SLC26A3: variants seen among roughly 807,000 people sequenced by gnomAD.
The protein encoded by SLC26A3 is solute carrier family 26 member 3, also known as chloride anion exchanger.
Under a neutral mutation model 85.6 loss-of-function variants are expected in SLC26A3, and 64 were observed. That is an observed-to-expected ratio of 0.75 (90% CI 0.61 to 0.92). The LOEUF (loss-of-function observed/expected upper bound fraction) is 0.92. SLC26A3 is among the 40% of genes least tolerant of loss of function. The probability of loss-of-function intolerance (pLI) is 0.00; values close to 1 mark genes in which losing one functional copy is unlikely to be tolerated. For synonymous variants in SLC26A3, 349 were observed against 336.0 expected, an observed-to-expected ratio of 1.04 and a Z score of -0.42; for missense variants, 922 against 927.3, an observed-to-expected ratio of 0.99 and a Z score of 0.07.
chr7:107,770,238 T>C, intron 18 of SLC26A3, among the ~76,000 whole-genome samples: 24 of 30,544 alleles, frequency 7.9e-4, no homozygotes, highest in East Asian at 2.0e-3. Flanking sequence ...TTTTTTTTTT[T>C]TTTTTTTTTT....
intron 5 of SLC26A3, 99 bp from the exon 6 acceptor site, chr7:107,789,787 G>C: frequency 1.5e-6 from 2 of 1,291,658 alleles, no homozygotes; most frequent in South Asian, 2.6e-5. Context: ...AAACGTAAAG[G>C]CTCAACCTGT....
chr7:107,779,595 A>C lies in SLC26A3; in HGVS notation c.1407+73T>G, dbSNP rs1794182842. 5 of 1,174,382 alleles carry C rather than the reference A, an allele frequency of 4.3e-6. No homozygotes were observed. The South Asian group carries it at 6.3e-5, about 15-fold the overall frequency. 72.7% of individuals were successfully genotyped at this position (1,174,382 alleles called of 1,614,324 possible). The stretch of plus-strand genomic sequence containing the variant: ...AAATTTCACTTAGTTTACAATATAA[A>C]CATGCATTTCACATTAGCATTAAAA... On this transcript the variant is annotated intron_variant, in intron 12 of 20. Coordinates refer to ENST00000340010, the MANE Select transcript of SLC26A3 (RefSeq NM_000111.3).
rs1315692849 is a variant in SLC26A3 at position 107,767,718 on chromosome 7, T to G, written c.2205+48A>C. On this transcript the variant is annotated intron_variant, in intron 19 of 20. Transcript: ENST00000340010. ...TGTTGAAAAAGAGAAATTTAAGGAG[T>G]GCAGATGGCTGCTTATGCAATTGTG... 6 of 1,611,444 alleles carry G rather than the reference T, an allele frequency of 3.7e-6. No individual in the cohort carries two copies. The East Asian group carries it at 1.1e-4, about 30-fold the overall frequency.
intron 2 of SLC26A3, 138 bp from the exon 3 acceptor site, chr7:107,794,019 A>G (rs1048762584): frequency 7.8e-6 from 9 of 1,160,956 alleles, no homozygotes; most frequent in Non-Finnish European, 1.1e-5. Flanking sequence ...TTCTTTACCC[A>G]TAATCAGCTG....
chr7:107,782,807 G>A lies in SLC26A3; in HGVS notation c.1301C>T (p.Pro434Leu). 1 of 1,613,984 alleles carries A rather than the reference G, an allele frequency of 6.2e-7. No individual in the cohort carries two copies. Among genetic ancestry groups the A allele is most frequent in the African/African-American group, 1.3e-5 (1 of 75,030 alleles). Residue 434 changes from proline to leucine, a missense_variant, in exon 11 of 21, where the codon CCT (proline) becomes CTT (leucine). Coordinates refer to ENST00000340010, the MANE Select transcript of SLC26A3 (RefSeq NM_000111.3). ...VVLAIGFLLA[P>L]LQKSVLAALA... The stretch of plus-strand genomic sequence containing the variant: ...CAAAGACAGTGTTACCTTTTGTAGA[G>A]GCGCCAGGAGAAATCCAATGGCTAG...
chr7:107,794,666 G>T, intron 1 of SLC26A3, 69 bp from the exon 2 acceptor site: 3 of 761,448 alleles, frequency 3.9e-6, no homozygotes, highest in Non-Finnish European at 6.8e-6. Flanking sequence ...AGATGAGTGA[G>T]CTCCGAACTG....
rs553004044 is a variant in SLC26A3 at position 107,798,625 on chromosome 7, G to T, written c.-88-4028C>A. 2.6e-5 allele frequency among the ~76,000 whole-genome samples: 4 copies of T among 152,248 alleles called. No homozygotes were observed. The East Asian group carries it at 7.7e-4, about 29-fold the overall frequency. The stretch of plus-strand genomic sequence containing the variant: ...TCATTTGAAACCAGCAGACAAGCAA[G>T]GGTGCAGAACACTTCCCAGCCCCTC... On this transcript the variant is annotated intron_variant, in intron 1 of 20. Transcript: ENST00000340010.
At chr7:107,794,346 T>C (rs762700121) in intron 2 of SLC26A3, 33 bp downstream of exon 2, 24 of 1,612,120 alleles carry the variant, frequency 1.5e-5, no homozygotes, top group Non-Finnish European at 1.9e-5. Context: ...CAAAAATGTA[T>C]TCCTAATGCC....
At position 107,791,222 on chromosome 7, in the gene SLC26A3, A is replaced by G; in HGVS notation, c.396T>C (p.Ile132=). The G allele has an allele frequency of 6.2e-7, 1 of 1,614,232 alleles. No individual in the cohort carries two copies. Among genetic ancestry groups the G allele is most frequent in the Non-Finnish European group, 8.5e-7 (1 of 1,180,038 alleles). ...SRHISVGPFP[I]LSMMVGLAVS... ...CTGCTAGTCCCACCATCATACTCAG[A>G]ATCGGAAACGGACCTAATTAACAGT... The change falls in exon 5 of 21, where the codon ATT becomes ATC. Residue 132 remains isoleucine, a synonymous_variant. Transcript: ENST00000340010.
intron 1 of SLC26A3, among the ~76,000 whole-genome samples, chr7:107,797,213 G>A (rs1387129395): frequency 6.6e-6 from 1 of 152,194 alleles, no homozygotes; most frequent in East Asian, 1.9e-4. Context: ...AATCTTTCCG[G>A]CCAGGCGCGG....
intron 11 of SLC26A3, among the ~76,000 whole-genome samples, 192 bp from the exon 12 acceptor site, chr7:107,779,955 C>T (rs1039022030): frequency 2.6e-5 from 4 of 152,074 alleles, no homozygotes; most frequent in Non-Finnish European, 5.9e-5. Context: ...CTATGAATGA[C>T]TTTGTCCCCA....
rs148222595 is a variant in SLC26A3, at chr7:107,776,649, T to G, written c.1572A>C (p.Lys524Asn). 1 of 1,613,454 alleles carries G rather than the reference T, an allele frequency of 6.2e-7. No individual in the cohort carries two copies. Among genetic ancestry groups the G allele is most frequent in the South Asian group, 1.1e-5 (1 of 91,062 alleles). Residue 524 changes from lysine (K) to asparagine (N), a missense_variant, in exon 14 of 21, where the codon AAA becomes AAC. Transcript: ENST00000340010. Reference protein sequence around the residue: ...IGRTNIYKNKKDYYDMYEPEG... With the variant: ...IGRTNIYKNKNDYYDMYEPEG... ...GAATCTCCCTTACATCATAATAATC[T>G]TTTTTATTCTTATAGATGTTGGTTC...
intron 7 of SLC26A3, among the ~76,000 whole-genome samples, chr7:107,787,124 G>A (rs193187194): frequency 5.9e-4 from 90 of 152,314 alleles, no homozygotes; most frequent in African/African-American, 2.0e-3. Context: ...ACGACATTTT[G>A]TCAAGGGTCT....
intron 3 of SLC26A3, 54 bp downstream of exon 3, chr7:107,793,688 A>C: frequency 7.4e-7 from 1 of 1,350,258 alleles, no homozygotes; most frequent in Non-Finnish European, 1.0e-6. Flanking sequence ...TGAGCTGTAC[A>C]CATTCAGAGG....
chr7:107,783,499 A>G, intron 8 of SLC26A3, 147 bp from the exon 9 acceptor site: 1 of 933,114 alleles, frequency 1.1e-6, no homozygotes, highest in Non-Finnish European at 1.7e-6. Flanking sequence ...TCCACTAACA[A>G]TTTTGCAATC....
rs531537088 is a variant in SLC26A3 at position 107,791,867 on chromosome 7, G to C, written c.345C>G (p.Ile115Met). The change falls in exon 4 of 21, where the codon ATC becomes ATG. Residue 115 changes from isoleucine to methionine, a missense_variant. Coordinates refer to ENST00000340010, the MANE Select transcript of SLC26A3 (RefSeq NM_000111.3). ...GTCTGGAAGTGCCGAAGAAAAGGTA[G>C]ATTATGGCTGGGAAAAAGGATGCAT... ...GLYASFFPAI[I>M]YLFFGTSRHI... 6.2e-7 allele frequency: 1 copy of C among 1,613,684 alleles called. No individual in the cohort carries two copies. The highest frequency in any genetic ancestry group is 1.3e-5 in the African/African-American group (1 of 75,044).
intron 18 of SLC26A3, among the ~76,000 whole-genome samples, chr7:107,768,710 T>G (rs982823642): frequency 2.0e-5 from 3 of 152,210 alleles, no homozygotes; most frequent in South Asian, 2.1e-4. Context: ...ATGAGAGAGA[T>G]ATAGATCATG....
rs1400577297 is a variant in SLC26A3 at position 107,772,030 on chromosome 7, TAAAAC to T, written c.2062+19_2062+23del. On this transcript the variant is annotated intron_variant, in intron 18 of 20. Transcript: ENST00000340010. ...TGAGCCTGAAGTGATTGTCAGAACA[TAAAAC>T]AAAAATAAAGCCACTTACCATCAGT... The T allele has an allele frequency of 4.4e-6, 7 of 1,577,790 alleles. No individual in the cohort carries two copies. Among genetic ancestry groups the T allele is most frequent in the Admixed American group, 3.3e-5 (2 of 59,934 alleles).
intron 4 of SLC26A3, 48 bp downstream of exon 4, chr7:107,791,782 A>G (rs769468798): frequency 3.5e-5 from 43 of 1,221,390 alleles, no homozygotes; most frequent in Non-Finnish European, 4.7e-5. Context: ...AATAAAATTC[A>G]TAAGGAAAAA....
Sources: allele counts gnomAD v4.1 joint callset (sites outside exome capture counted in the v4.1 genomes callset), GRCh38; gene constraint gnomAD v4.1.1; transcripts MANE v1.5; gene names NCBI Gene and HGNC (gene_info 2026-07-23, HGNC 2026-07-21).